ERICH1: variants seen among roughly 807,000 people sequenced by gnomAD.
The protein encoded by ERICH1 is glutamate rich 1, also known as glutamate-rich protein 1.
ERICH1 carries 56 observed loss-of-function variants against 39.6 expected under a neutral mutation model. That is an observed-to-expected ratio of 1.41 (90% CI 1.14 to 1.77). The LOEUF (loss-of-function observed/expected upper bound fraction) is 1.77. Among genes scored for constraint, ERICH1 ranks in the 40% most tolerant of loss-of-function variants. ERICH1 has a pLI of 0.00. For missense variants in ERICH1, 826 were observed against 575.4 expected (o/e 1.44, Z -4.45); for synonymous variants, 313 against 223.6 (o/e 1.40, Z -3.57).
chr8:687,441 T>C (rs1026459826), intron 3 of ERICH1, among the ~76,000 whole-genome samples: 2 of 152,364 alleles, frequency 1.3e-5, no homozygotes, highest in South Asian at 4.1e-4. Context: ...AGCTTTGCAA[T>C]AAGCCCAGAC....
Position 722,172 on chromosome 8 carries a change from C to G in ERICH1, c.23-6165G>C, listed in dbSNP as rs537100862. Among the ~76,000 whole-genome samples the G allele has an allele frequency of 5.3e-5, 8 of 151,618 alleles. No individual in the cohort carries two copies. The South Asian group carries it at 1.5e-3, about 28-fold the overall frequency. ...TTTAACTTGAAACTCTAGTGCCCAT[C>G]AAAAAGCAATCACCGGAAAATAAAA... is the stretch of plus-strand genomic sequence containing the variant. On this transcript the variant is annotated intron_variant, in intron 1 of 5. Coordinates refer to ENST00000262109, the MANE Select transcript of ERICH1 (RefSeq NM_207332.3).
Position 715,900 on chromosome 8 carries a change from A to C in ERICH1, c.130T>G (p.Ser44Ala). 6.2e-7 allele frequency: 1 copy of C among 1,613,900 alleles called. No homozygotes were observed. Residue 44 changes from serine (S) to alanine (A), a missense_variant, in exon 2 of 6, where the codon TCT (serine) becomes GCT (alanine). Ser to Ala is a moderately conservative substitution (Grantham distance 99). Coordinates refer to ENST00000262109, the MANE Select transcript of ERICH1 (RefSeq NM_207332.3). ...GCATGTTTCTGGCTCACTTTCTCAG[A>C]GGTCACTTTCTTTGGTGGATTTTGG... ...AVQNPPKKVT[S>A]EKVSQKHAEP...
chr8:666,380 G>C (rs1802241202), intron 5 of ERICH1: 1 of 152,178 alleles, frequency 6.6e-6, no homozygotes, highest in African/African-American at 2.4e-5. Flanking sequence ...TGCGGTTTGA[G>C]ATAAATCTGA....
At chr8:638,371 T>C (rs1798617015) in intron 3 of ERICH1, among the ~76,000 whole-genome samples, 1 of 152,184 alleles carries the variant, frequency 6.6e-6, no homozygotes, top group Non-Finnish European at 1.5e-5. Flanking sequence ...GGCCATGTTC[T>C]TCGGAGAGGA....
At chr8:651,274 C>G (rs1411572470) in intron 3 of ERICH1, among the ~76,000 whole-genome samples, 1 of 152,238 alleles carries the variant, frequency 6.6e-6, no homozygotes, top group Non-Finnish European at 1.5e-5. Flanking sequence ...ATCTCCCGAA[C>G]CTGCCTGACA....
In ERICH1 at chr8:645,893, TGGCGCTAACTGGATGATCA is replaced by T. The variant is rs1339415968; in HGVS notation, c.976+22686_976+22704del. ...GCTCCTTCTGTTCTGAAATGGAACT[TGGCGCTAACTGGATGATCA>T]GGCATTTCTGCATGTTGAGTGCCGT... is the stretch of plus-strand genomic sequence containing the variant. On this transcript the variant is annotated intron_variant, in intron 3 of 3. Coordinates refer to the ERICH1 transcript ENST00000522706. Among the ~76,000 whole-genome samples, 29 of 69,270 alleles carry T rather than the reference TGGCGCTAACTGGATGATCA, an allele frequency of 4.2e-4. 8 individuals are homozygous for T. In the East Asian group the frequency reaches 5.4e-3, roughly 13 times the overall value. The allele number at this position is 69,270 out of a possible 152,430, so 45.4% of individuals were successfully genotyped here. A position where few individuals can be genotyped will look rare whatever the true frequency, so the allele number is the denominator to read the frequency against.
At chr8:682,646 A>G (rs995163704) in intron 3 of ERICH1, among the ~76,000 whole-genome samples, 4 of 152,200 alleles carry the variant, frequency 2.6e-5, no homozygotes, top group African/African-American at 9.7e-5. Flanking sequence ...CATCCCCAAA[A>G]CACACCTTTC....
At chr8:674,117 A>C (rs1804109750) in intron 3 of ERICH1, 70 bp from the exon 4 acceptor site, 3 of 1,460,412 alleles carry the variant, frequency 2.1e-6, no homozygotes, top group Admixed American at 2.6e-5. Flanking sequence ...AGGCTAAATA[A>C]ATTTTCCATC....
chr8:640,519 G>A (rs1360971762), intron 3 of ERICH1: 1 of 152,236 alleles, frequency 6.6e-6, no homozygotes, highest in Non-Finnish European at 1.5e-5. Flanking sequence ...TGTTCTGGTA[G>A]ATGTTTTAAG....
At chr8:685,094 C>T (rs762114876) in intron 3 of ERICH1, among the ~76,000 whole-genome samples, 22 of 152,168 alleles carry the variant, frequency 1.4e-4, no homozygotes, top group Non-Finnish European at 2.8e-4. Context: ...GAGACCAGGG[C>T]GTGTTTCATC....
chr8:712,263 T>G (rs1246889719), intron 2 of ERICH1, among the ~76,000 whole-genome samples: 2 of 152,122 alleles, frequency 1.3e-5, no homozygotes, highest in African/African-American at 2.4e-5. Context: ...TAATATCGAG[T>G]CTTCCTATCC....
chr8:633,245 C>T (rs1400788947), intron 3 of ERICH1, among the ~76,000 whole-genome samples: 1 of 152,150 alleles, frequency 6.6e-6, no homozygotes, highest in South Asian at 2.1e-4. Flanking sequence ...CCTTAGAAAA[C>T]CCCTCACATT....
intron 1 of ERICH1, among the ~76,000 whole-genome samples, chr8:718,204 A>G (rs1025393165): frequency 2.0e-5 from 3 of 147,958 alleles, no homozygotes; most frequent in Non-Finnish European, 4.5e-5. Context: ...TTGGAGTGCA[A>G]TGACAAACCG....
At chr8:678,258 C>G (rs1805312514) in intron 3 of ERICH1, among the ~76,000 whole-genome samples, 2 of 151,974 alleles carry the variant, frequency 1.3e-5, no homozygotes. Flanking sequence ...CTCTGATTTC[C>G]AAGTCTAGTT....
chr8:620,560 C>T (rs1016981275), intron 3 of ERICH1, among the ~76,000 whole-genome samples: 2 of 152,128 alleles, frequency 1.3e-5, no homozygotes, highest in African/African-American at 4.8e-5. Context: ...GTAGAAAATC[C>T]AGTGCAGCTT....
At chr8:634,684 T>C (rs1267722444) in intron 3 of ERICH1, among the ~76,000 whole-genome samples, 1 of 152,014 alleles carries the variant, frequency 6.6e-6, no homozygotes, top group Non-Finnish European at 1.5e-5. Flanking sequence ...GGGGCTGCCG[T>C]GGGCACCCAC....
chr8:637,643 G>C (rs760808269), intron 3 of ERICH1: 1 of 152,370 alleles, frequency 6.6e-6, no homozygotes. Flanking sequence ...GTGCTCAGCT[G>C]TGAGGATGAC....
At chr8:724,706 C>A (rs915118310) in intron 1 of ERICH1, among the ~76,000 whole-genome samples, 1 of 152,234 alleles carries the variant, frequency 6.6e-6, no homozygotes, top group African/African-American at 2.4e-5. Flanking sequence ...TTTCCACTTT[C>A]ATTAAACATT....
chr8:634,793 G>A (rs540555152), intron 3 of ERICH1, among the ~76,000 whole-genome samples: 3 of 152,208 alleles, frequency 2.0e-5, no homozygotes, highest in Non-Finnish European at 4.4e-5. Flanking sequence ...ACCCCGCTGA[G>A]CAGCCCAGGT....
Sources: gnomAD v4.1 joint callset for allele counts (sites outside exome capture counted in the v4.1 genomes callset) on GRCh38, gnomAD v4.1.1 for gene constraint, MANE v1.5 for transcripts, NCBI Gene and HGNC (gene_info 2026-07-23, HGNC 2026-07-21) for gene names.